Variants in SHANK2 observed in about 807,000 individuals in gnomAD.
The protein encoded by SHANK2 is SH3 and multiple ankyrin repeat domains 2.
In SHANK2, 43 loss-of-function variants were observed where a neutral mutation model predicts 133.7. The observed-to-expected ratio is 0.32, with a 90% CI of 0.25 to 0.41. The LOEUF (loss-of-function observed/expected upper bound fraction) is 0.41, where lower values mean the gene tolerates loss of function less well. Among genes scored for constraint, SHANK2 ranks in the 10% least tolerant of loss-of-function variants. The pLI is 1.00. For missense variants in SHANK2, 1,994 were observed against 2,235.8 expected (o/e 0.89, Z 2.18); for synonymous variants, 1,017 against 952.8 (o/e 1.07, Z -1.24).
intron 3 of SHANK2, among the ~76,000 whole-genome samples, chr11:71,132,420 C>T (rs782467720): frequency 5.9e-5 from 9 of 152,198 alleles, no homozygotes; most frequent in Non-Finnish European, 7.3e-5. Context: ...ACTCCCCCTA[C>T]ACTGTGGGAT....
At chr11:70,534,723 T>C (rs1845722575) in intron 17 of SHANK2, among the ~76,000 whole-genome samples, 1 of 152,204 alleles carries the variant, frequency 6.6e-6, no homozygotes. Context: ...AGCATGTCAC[T>C]TCTTCCCATA....
rs180953553 is a variant in SHANK2, at chr11:71,194,537, A to G, written c.-13+30160T>C. On this transcript the variant is annotated intron_variant, in intron 2 of 25. Transcript: ENST00000601538. ...AGCTGGATCCAAAGAGCAGGTGCCA[A>G]TGGGAGGGGGGCAGGTCCAGACAGA... 1.3e-4 allele frequency among the ~76,000 whole-genome samples: 20 copies of G among 152,280 alleles called. 1 individual carries two copies. The highest frequency in any genetic ancestry group is 1.3e-3 in the Admixed American group (20 of 15,302).
At chr11:70,525,695 C>T (rs1282411269) in intron 17 of SHANK2, among the ~76,000 whole-genome samples, 1 of 152,076 alleles carries the variant, frequency 6.6e-6, no homozygotes, top group Non-Finnish European at 1.5e-5. Flanking sequence ...TAAACACACA[C>T]ACCAGGTCCT....
intron 2 of SHANK2, among the ~76,000 whole-genome samples, chr11:71,176,683 A>G (rs1390483330): frequency 6.6e-6 from 1 of 152,146 alleles, no homozygotes; most frequent in Non-Finnish European, 1.5e-5. Flanking sequence ...TAATAATAAC[A>G]CCAACAAATG....
Position 70,700,050 on chromosome 11 carries a change from C to T in SHANK2, c.1778-1287G>A, listed in dbSNP as rs78752121. ...TGGGTCTCTGTGCCCTGGACTCTTA[C>T]GTAAGCAAGAGTTTCATTTCTACCA... On this transcript the variant is annotated intron_variant, in intron 14 of 25. Transcript: ENST00000601538. Among the ~76,000 whole-genome samples, 1,292 of 152,318 alleles carry T rather than the reference C, an allele frequency of 8.5e-3. 18 individuals carry two copies. Among genetic ancestry groups the T allele is most frequent in the African/African-American group, 0.03 (1,235 of 41,558 alleles).
intron 15 of SHANK2, among the ~76,000 whole-genome samples, chr11:70,670,669 T>C (rs1354824059): frequency 6.6e-6 from 1 of 152,256 alleles, no homozygotes; most frequent in Non-Finnish European, 1.5e-5. Context: ...CAGTGTGTGA[T>C]GCTGCTCTCT....
intron 11 of SHANK2, among the ~76,000 whole-genome samples, chr11:70,859,775 T>A (rs904983945): frequency 1.3e-5 from 2 of 152,136 alleles, no homozygotes; most frequent in Non-Finnish European, 2.9e-5. Context: ...ACAGATTGGT[T>A]CTACCCTCGA....
chr11:70,538,278 C>T (rs1316493443), intron 17 of SHANK2, among the ~76,000 whole-genome samples: 3 of 152,244 alleles, frequency 2.0e-5, no homozygotes, highest in African/African-American at 4.8e-5. Flanking sequence ...ACAGCCTTGC[C>T]AGTCCTTCCC....
chr11:71,220,060 A>G (rs2919733), intron 2 of SHANK2, among the ~76,000 whole-genome samples: 151,978 of 152,030 alleles, frequency 1, 75,963 homozygotes, highest in Middle Eastern at 1. Context: ...CCCCCCACCC[A>G]TCTCTACAAA....
At chr11:70,497,045 G>A (rs113978998) in intron 21 of SHANK2, 4 of 456,632 alleles carry the variant, frequency 8.8e-6, no homozygotes, top group Admixed American at 4.7e-5. Context: ...GCATGTGAGA[G>A]CAGCCGGGCG....
In SHANK2 at chr11:70,753,350, C is replaced by A. The variant is rs561190977; in HGVS notation, c.1777+45093G>T. ...CCGAACTGACATTTAAAGAACACCGCACTCAACAATAACGAGCATAATATA... is the reference window on the plus strand; with the variant it reads ...CCGAACTGACATTTAAAGAACACCGAACTCAACAATAACGAGCATAATATA... On this transcript the variant is annotated intron_variant, in intron 14 of 25. Transcript: ENST00000601538. 1.3e-3 allele frequency among the ~76,000 whole-genome samples: 200 copies of A among 152,208 alleles called. 1 individual carries two copies. The highest frequency in any genetic ancestry group is 4.5e-3 in the African/African-American group (187 of 41,548).
intron 3 of SHANK2, among the ~76,000 whole-genome samples, chr11:71,143,658 G>C (rs554070783): frequency 2.0e-5 from 3 of 152,310 alleles, no homozygotes; most frequent in African/African-American, 7.2e-5. Context: ...GCTTCACAGA[G>C]AAAACATGCC....
chr11:71,097,557 C>A (rs1013720848), intron 6 of SHANK2, among the ~76,000 whole-genome samples: 10 of 152,212 alleles, frequency 6.6e-5, no homozygotes, highest in Admixed American at 2.0e-4. Context: ...AGTAGAAACA[C>A]CTGTAATATT....
At chr11:71,153,982 A>G (rs1172286122) in intron 2 of SHANK2, among the ~76,000 whole-genome samples, 2 of 151,724 alleles carry the variant, frequency 1.3e-5, no homozygotes, top group Non-Finnish European at 2.9e-5. Context: ...AAAATAAACA[A>G]CAACAACAAA....
At chr11:70,753,713 G>GA (rs1946802672) in intron 14 of SHANK2, among the ~76,000 whole-genome samples, 1 of 152,094 alleles carries the variant, frequency 6.6e-6, no homozygotes, top group African/African-American at 2.4e-5. Context: ...AGATAAATTT[G>GA]ACAATTTAGG....
At chr11:70,541,836 C>T (rs1308783442) in intron 17 of SHANK2, among the ~76,000 whole-genome samples, 3 of 152,234 alleles carry the variant, frequency 2.0e-5, no homozygotes, top group Non-Finnish European at 2.9e-5. Context: ...CAGGTGCCAC[C>T]AATGCCGGGG....
At chr11:71,171,498 C>T (rs965922930) in intron 2 of SHANK2, among the ~76,000 whole-genome samples, 1 of 152,150 alleles carries the variant, frequency 6.6e-6, no homozygotes, top group Non-Finnish European at 1.5e-5. Context: ...TCTTACTGGC[C>T]GCTGGTCAAG....
chr11:70,755,754 C>G (rs375161526), intron 14 of SHANK2, among the ~76,000 whole-genome samples: 1 of 152,216 alleles, frequency 6.6e-6, no homozygotes, highest in Non-Finnish European at 1.5e-5. Flanking sequence ...ACCAGGCGAG[C>G]GACAGGCCAC....
intron 17 of SHANK2, among the ~76,000 whole-genome samples, chr11:70,513,312 A>G (rs2059226345): frequency 6.6e-6 from 1 of 152,220 alleles, no homozygotes; most frequent in South Asian, 2.1e-4. Flanking sequence ...TTCTGTGTGT[A>G]AACTTCTCAT....
Sources: allele counts gnomAD v4.1 joint callset (sites outside exome capture counted in the v4.1 genomes callset), GRCh38; gene constraint gnomAD v4.1.1; transcripts MANE v1.5; gene names NCBI Gene and HGNC (gene_info 2026-07-23, HGNC 2026-07-21).